Variants in NUBPL observed in about 807,000 individuals in gnomAD.
The protein encoded by NUBPL is iron-sulfur cluster transfer protein NUBPL.
Under a neutral mutation model 45.7 loss-of-function variants are expected in NUBPL, and 31 were observed. That is an observed-to-expected ratio of 0.68 (90% CI 0.51 to 0.92). The LOEUF (loss-of-function observed/expected upper bound fraction) is 0.92, where lower values mean the gene tolerates loss of function less well. Among genes scored for constraint, NUBPL ranks in the 40% least tolerant of loss-of-function variants. The probability of loss-of-function intolerance (pLI) is 0.00; values close to 1 mark genes in which losing one functional copy is unlikely to be tolerated. For synonymous variants in NUBPL, 144 were observed against 140.9 expected (o/e 1.02, Z -0.15); for missense variants, 401 against 398.7 (o/e 1.01, Z -0.05).
chr14:31,629,306 G>C (rs1258762509), intron 4 of NUBPL, among the ~76,000 whole-genome samples: 1 of 152,142 alleles, frequency 6.6e-6, no homozygotes, highest in Non-Finnish European at 1.5e-5. Context: ...GTGGAAGTGA[G>C]TGCTGTAAAA....
At chr14:31,763,729 G>C (rs2038860363) in intron 6 of NUBPL, among the ~76,000 whole-genome samples, 1 of 152,122 alleles carries the variant, frequency 6.6e-6, no homozygotes, top group Non-Finnish European at 1.5e-5. Context: ...TAACTAGTTT[G>C]TTGTGTTAAA....
intron 7 of NUBPL, among the ~76,000 whole-genome samples, chr14:31,810,765 C>A (rs1246598318): frequency 6.6e-6 from 1 of 152,168 alleles, no homozygotes; most frequent in African/African-American, 2.4e-5. Context: ...CTTATTGTTC[C>A]TTTCCATGTT....
chr14:31,673,719 A>T lies in NUBPL; in HGVS notation c.513+145A>T, dbSNP rs944685589. ...GCGTAATATGGCACCTAATGAGTTA[A>T]TGTGATGCCAAGACCAAACTTCACT... is the stretch of plus-strand genomic sequence containing the variant. On this transcript the variant is annotated intron_variant, in intron 6 of 10. Transcript: ENST00000281081. The T allele has an allele frequency of 5.4e-6, 4 of 742,622 alleles. No homozygotes were observed. The African/African-American group carries it at 7.0e-5, about 13-fold the overall frequency. 46.0% of individuals were successfully genotyped at this position (742,622 alleles called of 1,614,324 possible). A position where few individuals can be genotyped will look rare whatever the true frequency, so the allele number is the denominator to read the frequency against.
chr14:31,576,680 A>G (rs957313754), intron 3 of NUBPL, among the ~76,000 whole-genome samples: 4 of 152,176 alleles, frequency 2.6e-5, no homozygotes, highest in African/African-American at 9.7e-5. Flanking sequence ...GTCATTTACC[A>G]CAGATGCTCT....
At chr14:31,621,533 T>G (rs2035062097) in intron 4 of NUBPL, among the ~76,000 whole-genome samples, 1 of 152,130 alleles carries the variant, frequency 6.6e-6, no homozygotes, top group Non-Finnish European at 1.5e-5. Context: ...TTCCCTTGGC[T>G]GGGGGAGGGA....
intron 4 of NUBPL, among the ~76,000 whole-genome samples, chr14:31,616,506 T>TTA (rs869131756): frequency 6.6e-6 from 1 of 151,546 alleles, no homozygotes; most frequent in Non-Finnish European, 1.5e-5. Flanking sequence ...AGTTTTTTTT[T>TTA]AACACTGTTT....
intron 6 of NUBPL, among the ~76,000 whole-genome samples, chr14:31,722,276 C>T (rs1272856982): frequency 2.0e-5 from 3 of 152,144 alleles, no homozygotes; most frequent in Non-Finnish European, 2.9e-5. Context: ...TCCCAAAGTG[C>T]TGGGATTACA....
chr14:31,709,938 A>C (rs542134910), intron 6 of NUBPL, among the ~76,000 whole-genome samples: 1 of 152,304 alleles, frequency 6.6e-6, no homozygotes, highest in South Asian at 2.1e-4. Flanking sequence ...GTGGGATGTA[A>C]ATGGCAAGCT....
At chr14:31,693,857 C>CTTTTTTTTTTTTTT (rs36082577) in intron 6 of NUBPL, among the ~76,000 whole-genome samples, 2 of 59,164 alleles carry the variant, frequency 3.4e-5, no homozygotes, top group Non-Finnish European at 8.2e-5. Flanking sequence ...CTTTTCTTTT[C>CTTTTTTTTTTTTTT]TTTTTTTTTT....
chr14:31,818,375 C>CTT (rs2039959967), intron 7 of NUBPL, among the ~76,000 whole-genome samples: 1 of 152,228 alleles, frequency 6.6e-6, no homozygotes, highest in African/African-American at 2.4e-5. Context: ...CACCACATCG[C>CTT]ACTTACTCAA....
intron 6 of NUBPL, among the ~76,000 whole-genome samples, chr14:31,760,144 T>TGTGTGTGTGTGTGAGAGA: frequency 0.033 from 1,165 of 34,858 alleles, 112 homozygotes; most frequent in South Asian, 0.18. Flanking sequence ...TGTGTGTGTG[T>TGTGTGTGTGTGTGAGAGA]GAGAGAGAGA....
At chr14:31,589,682 A>G (rs1202276144) in intron 3 of NUBPL, among the ~76,000 whole-genome samples, 1 of 152,186 alleles carries the variant, frequency 6.6e-6, no homozygotes, top group African/African-American at 2.4e-5. Flanking sequence ...AAGCACACAC[A>G]CACCACATTC....
chr14:31,576,883 G>T (rs1462976902), intron 3 of NUBPL, among the ~76,000 whole-genome samples: 1 of 152,214 alleles, frequency 6.6e-6, no homozygotes, highest in East Asian at 1.9e-4. Flanking sequence ...ATTGTTGATT[G>T]CAGTGCTTTT....
At chr14:31,628,191 A>G (rs1001074903) in intron 4 of NUBPL, among the ~76,000 whole-genome samples, 1 of 152,208 alleles carries the variant, frequency 6.6e-6, no homozygotes, top group Non-Finnish European at 1.5e-5. Context: ...AAATTTGGCA[A>G]GTGTTGGTTT....
chr14:31,645,723 A>G (rs1458156802), intron 4 of NUBPL, among the ~76,000 whole-genome samples: 1 of 152,140 alleles, frequency 6.6e-6, no homozygotes, highest in African/African-American at 2.4e-5. Flanking sequence ...GTCAGATCAC[A>G]AAGAAATAAT....
intron 10 of NUBPL, among the ~76,000 whole-genome samples, chr14:31,854,377 T>C (rs1436758695): frequency 6.6e-6 from 1 of 152,194 alleles, no homozygotes; most frequent in Non-Finnish European, 1.5e-5. Context: ...ACATATGATA[T>C]GTGTGTGTGT....
At chr14:31,754,035 C>T (rs12897991) in intron 6 of NUBPL, among the ~76,000 whole-genome samples, 17,317 of 152,144 alleles carry the variant, frequency 0.11, 1,254 homozygotes, top group Non-Finnish European at 0.17. Flanking sequence ...AGCCATTCCA[C>T]GATGTCTGCA....
chr14:31,602,127 A>G (rs2034451466), intron 4 of NUBPL, among the ~76,000 whole-genome samples: 1 of 152,094 alleles, frequency 6.6e-6, no homozygotes, highest in East Asian at 1.9e-4. Context: ...TTCTCAGTAA[A>G]CTATCGCAAG....
chr14:31,711,144 A>G (rs1013689648), intron 6 of NUBPL, among the ~76,000 whole-genome samples: 6 of 152,190 alleles, frequency 3.9e-5, no homozygotes, highest in African/African-American at 1.4e-4. Flanking sequence ...GGTTCCGCTC[A>G]TGGCCACAGG....
Sources: allele counts gnomAD v4.1 joint callset (sites outside exome capture counted in the v4.1 genomes callset), GRCh38; gene constraint gnomAD v4.1.1; transcripts MANE v1.5; gene names NCBI Gene and HGNC (gene_info 2026-07-23, HGNC 2026-07-21).